Variants in CELF5 observed in about 807,000 individuals in gnomAD.
CELF5 encodes CUGBP Elav-like family member 5, also known as CUG-BP and ETR-3 like factor 5.
CELF5 carries 6 observed loss-of-function variants against 54.9 expected under a neutral mutation model. The ratio of observed to expected loss-of-function variants is 0.11; its 90% confidence interval spans 0.06 to 0.22. The LOEUF (loss-of-function observed/expected upper bound fraction) is 0.22. Ranked by LOEUF, CELF5 falls within the 10% of genes least tolerant of loss-of-function variation. CELF5 has a pLI of 1.00. For synonymous variants in CELF5, 271 were observed against 290.9 expected (o/e 0.93, Z 0.70); for missense variants, 401 against 678.6 (o/e 0.59, Z 4.54).
intron 5 of CELF5, among the ~76,000 whole-genome samples, chr19:3,280,925 T>C (rs972537763): frequency 6.6e-6 from 1 of 152,200 alleles, no homozygotes; most frequent in Non-Finnish European, 1.5e-5. Context: ...GTTTTGAGTG[T>C]GTGGCTGACA....
chr19:3,275,739 GGCCCGGGCGCCGCGTCTTCCT>G lies in CELF5; in HGVS notation c.395-112_395-92del, dbSNP rs1246415914. Reference sequence around the variant, plus strand: ...GCACGCGCAGAACCGGAGCCGGCAGGGCCCGGGCGCCGCGTCTTCCTGCCCTGCCGCCTCCACTCTGCTGGA... The same window carrying G: ...GCACGCGCAGAACCGGAGCCGGCAGGGCCCTGCCGCCTCCACTCTGCTGGA... On this transcript the variant is annotated intron_variant, in intron 3 of 12. Coordinates refer to ENST00000292672, the MANE Select transcript of CELF5 (RefSeq NM_021938.4). This position sits in a 1 kb window ranked among gnomAD's most constrained non-coding sequence, Gnocchi z 6.7. 3 of 1,155,602 alleles carry G rather than the reference GGCCCGGGCGCCGCGTCTTCCT, an allele frequency of 2.6e-6. No individual in the cohort carries two copies. The highest frequency in any genetic ancestry group is 1.6e-5 in the South Asian group (1 of 62,074). The allele number at this position is 1,155,602 out of a possible 1,614,324, so 71.6% of individuals were successfully genotyped here.
intron 8 of CELF5, among the ~76,000 whole-genome samples, chr19:3,283,996 C>T (rs2145276014): frequency 6.6e-6 from 1 of 151,824 alleles, no homozygotes; most frequent in East Asian, 1.9e-4. Context: ...TGCCATTATG[C>T]TTGGCTAATT....
intron 10 of CELF5, chr19:3,286,623 C>T (rs2080252143): frequency 6.6e-6 from 1 of 150,402 alleles, no homozygotes; most frequent in Admixed American, 6.7e-5. Context: ...GTCCCAGCTA[C>T]TCAGGAGGCT....
intron 1 of CELF5, among the ~76,000 whole-genome samples, chr19:3,234,247 T>TTCTCTC (rs149460217): frequency 6.7e-6 from 1 of 149,890 alleles, no homozygotes. Flanking sequence ...ATGTGGTTCG[T>TTCTCTC]TCTCTCTCTC....
At chr19:3,286,086 G>T in intron 10 of CELF5, 61 bp downstream of exon 10, 2 of 1,384,568 alleles carry the variant, frequency 1.4e-6, no homozygotes, top group Non-Finnish European at 9.5e-7. Context: ...CTGTCCACCT[G>T]CAGGCTCCGT....
intron 9 of CELF5, 26 bp downstream of exon 9, chr19:3,284,990 C>T (rs1360390146): frequency 6.3e-7 from 1 of 1,582,108 alleles, no homozygotes; most frequent in Non-Finnish European, 8.6e-7. Flanking sequence ...CGTGCCCGCG[C>T]TGGGCCCTGG....
chr19:3,277,926 T>TC (rs2080082695), intron 4 of CELF5, 105 bp from the exon 5 acceptor site: 3 of 799,132 alleles, frequency 3.8e-6, no homozygotes, highest in Non-Finnish European at 6.4e-6. Flanking sequence ...GCTGCATGTG[T>TC]CTGACACTGG....
chr19:3,249,436 C>T (rs1158080732), intron 1 of CELF5, among the ~76,000 whole-genome samples: 3 of 152,164 alleles, frequency 2.0e-5, no homozygotes, highest in African/African-American at 7.2e-5. Context: ...TCTGGTCTCC[C>T]ACCCCTAACG....
intron 1 of CELF5, among the ~76,000 whole-genome samples, chr19:3,238,439 G>A (rs1302395428): frequency 6.6e-6 from 1 of 152,128 alleles, no homozygotes; most frequent in Non-Finnish European, 1.5e-5. Flanking sequence ...ACAAACTGGG[G>A]GGCTTGGAAC....
chr19:3,292,563 C>T (rs966819188), intron 11 of CELF5, among the ~76,000 whole-genome samples: 2 of 152,146 alleles, frequency 1.3e-5, no homozygotes, highest in East Asian at 1.9e-4. Flanking sequence ...GGATTACAGG[C>T]GTGAGCCACC....
At chr19:3,270,996 C>T (rs553664944) in intron 2 of CELF5, among the ~76,000 whole-genome samples, 1 of 151,904 alleles carries the variant, frequency 6.6e-6, no homozygotes, top group South Asian at 2.1e-4. Flanking sequence ...CTCCCTCCCT[C>T]GTCCATCTCC....
intron 1 of CELF5, among the ~76,000 whole-genome samples, chr19:3,226,744 G>T (rs1916942955): frequency 6.6e-6 from 1 of 151,610 alleles, no homozygotes; most frequent in South Asian, 2.1e-4. Flanking sequence ...AGGGACTGGA[G>T]CATCCTGGTG....
chr19:3,280,367 T>TA (rs2080128246), intron 5 of CELF5, among the ~76,000 whole-genome samples: 2 of 151,568 alleles, frequency 1.3e-5, no homozygotes, highest in South Asian at 4.2e-4. Context: ...GGTCAGGAGT[T>TA]AGAGACCAGC....
At chr19:3,235,726 GTGGA>G (rs201677943) in intron 1 of CELF5, among the ~76,000 whole-genome samples, 18,447 of 115,514 alleles carry the variant, frequency 0.16, 1,668 homozygotes, top group South Asian at 0.19. Flanking sequence ...GTGTGGATGG[GTGGA>G]TGGATGGATG....
intron 2 of CELF5, among the ~76,000 whole-genome samples, chr19:3,264,618 A>C (rs867605415): frequency 6.6e-5 from 10 of 151,372 alleles, no homozygotes; most frequent in Middle Eastern, 3.2e-3. Flanking sequence ...GGGTTTCACC[A>C]TGTTAGCCAG....
At position 3,275,442 on chromosome 19, in the gene CELF5, A is replaced by G. The variant is rs78028241; in HGVS notation, c.395-414A>G. 0.21 allele frequency among the ~76,000 whole-genome samples: 32,027 copies of G among 152,174 alleles called. 4,278 individuals carry two copies. The highest frequency in any genetic ancestry group is 0.36 in the Middle Eastern group (106 of 294). ...TCCGCCTGGCAGGTCCGGGGAGCAG[A>G]CAGAAAGACAGACAGACAGACAGAC... On this transcript the variant is annotated intron_variant, in intron 3 of 12. Transcript: ENST00000292672. The surrounding 1 kb of genome is among the most constrained non-coding windows in gnomAD (Gnocchi z 6.7).
At chr19:3,233,955 G>A (rs958138727) in intron 1 of CELF5, among the ~76,000 whole-genome samples, 1 of 152,326 alleles carries the variant, frequency 6.6e-6, no homozygotes, top group African/African-American at 2.4e-5. Context: ...TCCTGAAGAC[G>A]GCGGCGCCTG....
intron 2 of CELF5, 124 bp downstream of exon 2, chr19:3,251,191 T>A (rs971394937): frequency 5.7e-6 from 4 of 701,340 alleles, no homozygotes; most frequent in African/African-American, 5.3e-5. Flanking sequence ...GAAAGAGGTA[T>A]GAGGAGCAGA....
rs1370225798 is a variant in CELF5 at position 3,228,614 on chromosome 19, G to GT, written c.259+3617dup. Reference sequence around the variant, plus strand: ...GAGGTTGCGCTGGGGGACGGTGCAGGTGGGGGGGGGGCCCGGCGGGGGCCC... The same window carrying GT: ...GAGGTTGCGCTGGGGGACGGTGCAGGTTGGGGGGGGGGCCCGGCGGGGGCCC... On this transcript the variant is annotated intron_variant, in intron 1 of 12. Transcript: ENST00000292672. The surrounding 1 kb of genome is among the most constrained non-coding windows in gnomAD (Gnocchi z 6.0). 6.6e-6 allele frequency among the ~76,000 whole-genome samples: 1 copy of GT among 151,568 alleles called. No individual in the cohort carries two copies. Among genetic ancestry groups the GT allele is most frequent in the Non-Finnish European group, 1.5e-5 (1 of 67,818 alleles).
Sources: allele counts gnomAD v4.1 joint callset (sites outside exome capture counted in the v4.1 genomes callset), GRCh38; gene constraint gnomAD v4.1.1; non-coding constraint Gnocchi (gnomAD v3.1); transcripts MANE v1.5; gene names NCBI Gene and HGNC (gene_info 2026-07-23, HGNC 2026-07-21).